MEGF6: variants seen among roughly 807,000 people sequenced by gnomAD.
MEGF6 encodes the protein multiple epidermal growth factor-like domains protein 6.
Under a neutral mutation model 207.1 loss-of-function variants are expected in MEGF6, and 184 were observed. The ratio of observed to expected loss-of-function variants is 0.89; its 90% CI spans 0.79 to 1.00. The LOEUF is 1.00. Among genes scored for constraint, MEGF6 ranks in the 50% least tolerant of loss-of-function variants. MEGF6 has a pLI of 0.00. For synonymous variants in MEGF6, 1,038 were observed against 910.0 expected (o/e 1.14, Z -2.53); for missense variants, 2,282 against 2,202.9 (o/e 1.04, Z -0.72).
Position 3,498,678 on chromosome 1 carries a change from C to T in MEGF6, c.3223+20G>A, listed in dbSNP as rs1019226483. ...CCAAGCATGCTGGGGTATGTCCCTC[C>T]TCTGCCGCCCAGCGCTCACCCTTCT... On this transcript the variant is annotated intron_variant, in intron 25 of 36. Coordinates refer to ENST00000356575, the MANE Select transcript of MEGF6 (RefSeq NM_001409.4). 17 of 1,544,264 alleles carry T rather than the reference C, an allele frequency of 1.1e-5. No individual in the cohort carries two copies. The highest frequency in any genetic ancestry group is 1.1e-4 in the African/African-American group (8 of 73,528).
At chr1:3,496,623 G>A (rs546768735) in intron 29 of MEGF6, 32 bp downstream of exon 29, 31 of 1,564,124 alleles carry the variant, frequency 2.0e-5, no homozygotes, top group African/African-American at 1.4e-4. Context: ...CACAGGAGGC[G>A]CCACTCAGCA....
At chr1:3,504,021 AC>A (rs1430562037) in intron 17 of MEGF6, among the ~76,000 whole-genome samples, 5 of 150,576 alleles carry the variant, frequency 3.3e-5, no homozygotes, top group Non-Finnish European at 5.9e-5. Flanking sequence ...CCCTCTGCGG[AC>A]CCCTTCTCAT....
intron 4 of MEGF6, among the ~76,000 whole-genome samples, chr1:3,528,129 G>T (rs1211336211): frequency 6.6e-6 from 1 of 152,218 alleles, no homozygotes; most frequent in Admixed American, 6.5e-5. Flanking sequence ...TGAAGGATTT[G>T]GGGCCTCCCA....
At position 3,495,755 on chromosome 1, in the gene MEGF6, G is replaced by A; in HGVS notation, c.3871+135C>T. On this transcript the variant is annotated intron_variant, in intron 30 of 36. Coordinates refer to ENST00000356575, the MANE Select transcript of MEGF6 (RefSeq NM_001409.4). ...TACAGCACTCTCATCTCAGCCCCAG[G>A]GTCAAGTGGGGAGCTGGTGGCAGCC... The A allele has an allele frequency of 2.7e-6, 3 of 1,123,428 alleles. No homozygotes were observed. The South Asian group carries it at 4.7e-5, about 18-fold the overall frequency. 69.6% of individuals were successfully genotyped at this position (1,123,428 alleles called of 1,614,324 possible). A position where few individuals can be genotyped will look rare whatever the true frequency, so the allele number is the denominator to read the frequency against.
chr1:3,500,555 TTG>T (rs1226792792), intron 21 of MEGF6, 76 bp downstream of exon 21: 33 of 1,469,786 alleles, frequency 2.2e-5, no homozygotes, highest in South Asian at 4.1e-5. Context: ...GTCAAAGGCT[TTG>T]TGTGTGTGCA....
chr1:3,517,050 G>A (rs1156818279), intron 5 of MEGF6, among the ~76,000 whole-genome samples: 7 of 152,250 alleles, frequency 4.6e-5, no homozygotes, highest in South Asian at 4.1e-4. Context: ...AGCCACTACC[G>A]TGGCTCCAGG....
At position 3,498,612 on chromosome 1, in the gene MEGF6, C is replaced by T; in HGVS notation, c.3223+86G>A. 3 of 1,486,032 alleles carry T rather than the reference C, an allele frequency of 2.0e-6. No homozygotes were observed. In the South Asian group the frequency reaches 3.8e-5, roughly 19 times the overall value. 92.1% of individuals were successfully genotyped at this position (1,486,032 alleles called of 1,614,324 possible). On this transcript the variant is annotated intron_variant, in intron 25 of 36. Coordinates refer to ENST00000356575, the MANE Select transcript of MEGF6 (RefSeq NM_001409.4). ...AAGCCTACACCCCAGGGCGCTGCCCCCTGACCTGGGAGCCCTCCTAGGCCT... is the reference window on the plus strand; with the variant it reads ...AAGCCTACACCCCAGGGCGCTGCCCTCTGACCTGGGAGCCCTCCTAGGCCT...
In MEGF6 at chr1:3,594,321, C is replaced by T. The variant is rs75279253; in HGVS notation, c.376+1017G>A. On this transcript the variant is annotated intron_variant, in intron 3 of 36. Transcript: ENST00000356575. This position sits in a 1 kb window ranked among gnomAD's most constrained non-coding sequence, Gnocchi z 4.2. ...GTGCACACCTACAGTCTCAGCCACT[C>T]GGGAGGCTGAGGTGGGAGGATTGCT... Among the ~76,000 whole-genome samples, 3,890 of 152,180 alleles carry T rather than the reference C, an allele frequency of 0.026. 133 individuals carry two copies. Among genetic ancestry groups the T allele is most frequent in the African/African-American group, 0.08 (3,317 of 41,506 alleles).
upstream of MEGF6, among the ~76,000 whole-genome samples, chr1:3,616,167 C>G (rs143117699): frequency 3.2e-4 from 48 of 152,262 alleles, no homozygotes; most frequent in African/African-American, 9.4e-4. Context: ...GGCGGTTGCA[C>G]GCTCCTTCCC....
At position 3,551,304 on chromosome 1, in the gene MEGF6, G is replaced by A. The variant is rs549379951; in HGVS notation, c.482-27058C>T. ...GTGCAGACCCCAGGGGTCTCAGCCAGCATGAATCACTCTGGGAGAGGCTGC... is the reference window on the plus strand; with the variant it reads ...GTGCAGACCCCAGGGGTCTCAGCCAACATGAATCACTCTGGGAGAGGCTGC... On this transcript the variant is annotated intron_variant, in intron 4 of 36. Coordinates refer to ENST00000356575, the MANE Select transcript of MEGF6 (RefSeq NM_001409.4). Among the ~76,000 whole-genome samples, 12 of 152,348 alleles carry A rather than the reference G, an allele frequency of 7.9e-5. No homozygotes were observed. The East Asian group carries it at 1.7e-3, about 22-fold the overall frequency.
At chr1:3,533,917 C>T (rs987641158) in intron 4 of MEGF6, among the ~76,000 whole-genome samples, 2 of 152,184 alleles carry the variant, frequency 1.3e-5, no homozygotes. Context: ...CCTCCAGGCT[C>T]CGGGGTCTTG....
chr1:3,618,255 C>A, the MEGF6 span, among the ~76,000 whole-genome samples: 3 of 152,292 alleles, frequency 2.0e-5, no homozygotes, highest in South Asian at 4.2e-4. This position sits in a 1 kb window ranked among gnomAD's most constrained non-coding sequence, Gnocchi z 4.7. Flanking sequence ...CTGACCAGAA[C>A]CAGAACCGAC....
Position 3,501,055 on chromosome 1 carries a change from C to G in MEGF6, c.2486G>C (p.Arg829Thr), listed in dbSNP as rs780532873. 1 of 1,612,782 alleles carries G rather than the reference C, an allele frequency of 6.2e-7. No individual in the cohort carries two copies. The highest frequency in any genetic ancestry group is 8.5e-7 in the Non-Finnish European group (1 of 1,179,948). The change falls in exon 20 of 37, where the codon AGG (arginine) becomes ACG (threonine). Residue 829 changes from arginine to threonine, a missense_variant. By Grantham distance (71) the Arg-to-Thr change is moderately conservative. Transcript: ENST00000356575. ...AGWYGPSCQT[R>T]CSCANDGHCH... ...GTGCCCATCATTGGCACAAGAGCAC[C>G]TTGTCTGGCAGCTGGGACCATACCA...
chr1:3,537,420 G>C (rs1642366288), intron 4 of MEGF6, among the ~76,000 whole-genome samples: 1 of 152,270 alleles, frequency 6.6e-6, no homozygotes, highest in Non-Finnish European at 1.5e-5. Flanking sequence ...ATGTTGCAGG[G>C]AGAAGGTTAC....
intron 4 of MEGF6, among the ~76,000 whole-genome samples, chr1:3,572,931 G>T (rs1366119281): frequency 1.4e-5 from 2 of 143,592 alleles, no homozygotes; most frequent in Non-Finnish European, 3.0e-5. Flanking sequence ...TCCTTCCTGG[G>T]TGTGCTGGGT....
At chr1:3,595,092 T>TG (rs1324743563) in intron 3 of MEGF6, among the ~76,000 whole-genome samples, 1 of 152,132 alleles carries the variant, frequency 6.6e-6, no homozygotes, top group Non-Finnish European at 1.5e-5. Flanking sequence ...GCTCCTGTCC[T>TG]CCGGCAGAGC....
chr1:3,494,870 T>C, intron 30 of MEGF6, 129 bp from the exon 31 acceptor site: 1 of 1,354,206 alleles, frequency 7.4e-7, no homozygotes, highest in Non-Finnish European at 9.8e-7. Context: ...AGTCTCTGCC[T>C]GCTGGGCGGG....
chr1:3,562,252 C>G (rs1281491813), intron 4 of MEGF6, among the ~76,000 whole-genome samples: 1 of 152,264 alleles, frequency 6.6e-6, no homozygotes, highest in Non-Finnish European at 1.5e-5. Context: ...CTCTCTATGT[C>G]TCTTTGTCTC....
intron 2 of MEGF6, among the ~76,000 whole-genome samples, chr1:3,597,493 G>T (rs1295662918): frequency 6.6e-6 from 1 of 152,212 alleles, no homozygotes; most frequent in Non-Finnish European, 1.5e-5. Context: ...GGTCCACCCG[G>T]CTGTGACCTT....
Sources: allele counts gnomAD v4.1 joint callset (sites outside exome capture counted in the v4.1 genomes callset), GRCh38; gene constraint gnomAD v4.1.1; non-coding constraint Gnocchi (gnomAD v3.1); transcripts MANE v1.5; gene names NCBI Gene and HGNC (gene_info 2026-07-23, HGNC 2026-07-21).